Variants in KHDRBS2 observed in about 807,000 individuals in gnomAD.
KHDRBS2 encodes the protein KH RNA binding domain containing, signal transduction associated 2.
A neutral mutation model predicts 44.3 loss-of-function variants in KHDRBS2; 26 were observed. The ratio of observed to expected loss-of-function variants is 0.59; its 90% CI spans 0.43 to 0.81. The LOEUF is 0.81. Among genes scored for constraint, KHDRBS2 ranks in the 40% least tolerant of loss-of-function variants. The probability of loss-of-function intolerance (pLI) is 0.00; values close to 1 mark genes in which losing one functional copy is unlikely to be tolerated. For missense variants in KHDRBS2, 476 were observed against 433.1 expected (o/e 1.10, Z -0.88); for synonymous variants, 194 against 151.1 (o/e 1.28, Z -2.08).
Position 61,746,216 on chromosome 6 carries a change from G to T in KHDRBS2, c.811-13452C>A, listed in dbSNP as rs147864021. Among the ~76,000 whole-genome samples the T allele has an allele frequency of 4.7e-3, 717 of 152,232 alleles. 4 individuals are homozygous for T. Among genetic ancestry groups the T allele is most frequent in the Non-Finnish European group, 6.9e-3 (466 of 68,006 alleles). ...GTTAATGCTGTCATGACTAAGAACA[G>T]GATCAAGTTTCAGAAGAGAAGTTTA... On this transcript the variant is annotated intron_variant, in intron 6 of 8. Transcript: ENST00000281156.
chr6:61,785,799 A>C (rs756191462), intron 6 of KHDRBS2, among the ~76,000 whole-genome samples: 2 of 152,172 alleles, frequency 1.3e-5, no homozygotes, highest in African/African-American at 4.8e-5. Context: ...AAGAGAAAAC[A>C]AAAGTATATA....
chr6:61,772,873 G>A (rs1781209590), intron 6 of KHDRBS2, among the ~76,000 whole-genome samples: 1 of 151,984 alleles, frequency 6.6e-6, no homozygotes, highest in Non-Finnish European at 1.5e-5. Context: ...TCCCACCTAT[G>A]AGTGAGAATA....
At chr6:61,875,309 G>T (rs1237456543) in intron 6 of KHDRBS2, among the ~76,000 whole-genome samples, 1 of 151,956 alleles carries the variant, frequency 6.6e-6, no homozygotes, top group Non-Finnish European at 1.5e-5. Context: ...AGAACAGGCC[G>T]AAGCCAGGCT....
intron 1 of KHDRBS2, among the ~76,000 whole-genome samples, chr6:62,197,991 G>A (rs1222252272): frequency 6.6e-6 from 1 of 151,816 alleles, no homozygotes; most frequent in East Asian, 1.9e-4. Flanking sequence ...ATGACTACTG[G>A]GTAAAAAACG....
chr6:61,953,331 A>G (rs1765162757), intron 4 of KHDRBS2, among the ~76,000 whole-genome samples: 1 of 152,044 alleles, frequency 6.6e-6, no homozygotes, highest in Admixed American at 6.6e-5. Context: ...AACTTACAAG[A>G]CTTGTAAAAA....
At chr6:61,883,683 T>C (rs1472033298) in intron 6 of KHDRBS2, among the ~76,000 whole-genome samples, 1 of 152,070 alleles carries the variant, frequency 6.6e-6, no homozygotes, top group African/African-American at 2.4e-5. Context: ...TACCGCTACC[T>C]TTTTCCATTC....
intron 1 of KHDRBS2, among the ~76,000 whole-genome samples, chr6:62,202,100 TA>T (rs1248197825): frequency 6.6e-6 from 1 of 151,860 alleles, no homozygotes; most frequent in Non-Finnish European, 1.5e-5. Flanking sequence ...TAATTGGGTA[TA>T]GGACTTGTAT....
At chr6:61,822,889 C>A (rs779658945) in intron 6 of KHDRBS2, among the ~76,000 whole-genome samples, 2 of 152,006 alleles carry the variant, frequency 1.3e-5, no homozygotes, top group Non-Finnish European at 2.9e-5. Flanking sequence ...ATTATTTCTA[C>A]TACAATCCTT....
chr6:61,999,154 A>G (rs1181975734), intron 3 of KHDRBS2, among the ~76,000 whole-genome samples: 1 of 152,052 alleles, frequency 6.6e-6, no homozygotes, highest in Non-Finnish European at 1.5e-5. Context: ...TTATAAATTG[A>G]CCTAACAAAT....
At chr6:62,038,958 CA>C (rs1196092928) in intron 3 of KHDRBS2, among the ~76,000 whole-genome samples, 3 of 151,782 alleles carry the variant, frequency 2.0e-5, no homozygotes, top group Admixed American at 2.0e-4. Flanking sequence ...TTACAACAAG[CA>C]AAATAAAGCT....
intron 1 of KHDRBS2, among the ~76,000 whole-genome samples, chr6:62,278,150 C>T (rs1341329913): frequency 6.6e-6 from 1 of 152,124 alleles, no homozygotes; most frequent in Admixed American, 6.5e-5. Flanking sequence ...CGGTTTATAG[C>T]TTTAAAAAAT....
At chr6:62,149,297 G>T (rs1814593545) in intron 2 of KHDRBS2, among the ~76,000 whole-genome samples, 1 of 152,116 alleles carries the variant, frequency 6.6e-6, no homozygotes, top group South Asian at 2.1e-4. Flanking sequence ...TTAATACAAT[G>T]AATAATCCTA....
At chr6:61,802,459 A>G (rs1786433386) in intron 6 of KHDRBS2, among the ~76,000 whole-genome samples, 5 of 152,190 alleles carry the variant, frequency 3.3e-5, no homozygotes, top group Admixed American at 3.3e-4. Flanking sequence ...AGGGCTGACA[A>G]TGCAAAACAC....
intron 7 of KHDRBS2, among the ~76,000 whole-genome samples, chr6:61,709,274 A>C (rs1471619054): frequency 6.6e-6 from 1 of 151,646 alleles, no homozygotes; most frequent in African/African-American, 2.4e-5. Flanking sequence ...AGTTGATGGT[A>C]TTTAATGTTC....
intron 3 of KHDRBS2, among the ~76,000 whole-genome samples, chr6:62,015,595 C>T (rs928105980): frequency 6.6e-6 from 1 of 152,098 alleles, no homozygotes; most frequent in Non-Finnish European, 1.5e-5. Flanking sequence ...TCCAGAGCTC[C>T]AGACAAAAAC....
intron 2 of KHDRBS2, among the ~76,000 whole-genome samples, chr6:62,067,600 A>G (rs2127339857): frequency 6.6e-6 from 1 of 151,734 alleles, no homozygotes; most frequent in African/African-American, 2.4e-5. Flanking sequence ...TACGTACCAT[A>G]AAATTAGTTC....
chr6:62,172,004 C>G (rs1820108545), intron 2 of KHDRBS2, among the ~76,000 whole-genome samples: 1 of 152,118 alleles, frequency 6.6e-6, no homozygotes, highest in Non-Finnish European at 1.5e-5. Flanking sequence ...TTTACACTAT[C>G]AAGCAACTAC....
rs1585631666 is a variant in KHDRBS2, at chr6:62,286,112, G to A, written c.-164C>T. On this transcript the variant is annotated 5_prime_UTR_variant, in exon 1 of 9. Coordinates refer to ENST00000281156, the MANE Select transcript of KHDRBS2 (RefSeq NM_152688.4). ...CATGCACCCAGCACCTGCGACTCCC[G>A]CCGTCGGGCTGCGTGGCCCCGCGCC... The A allele has an allele frequency of 3.4e-6, 2 of 580,292 alleles. No homozygotes were observed. The highest frequency in any genetic ancestry group is 6.0e-6 in the Non-Finnish European group (2 of 331,548). The allele number at this position is 580,292 out of a possible 1,614,324, so 35.9% of individuals were successfully genotyped here. A position where few individuals can be genotyped will look rare whatever the true frequency, so the allele number is the denominator to read the frequency against.
chr6:62,187,348 T>C (rs1011793990), intron 1 of KHDRBS2, among the ~76,000 whole-genome samples: 3 of 152,130 alleles, frequency 2.0e-5, no homozygotes, highest in Admixed American at 6.6e-5. Flanking sequence ...TCATGCACTC[T>C]TTCATTTAAT....
Sources: gnomAD v4.1 joint callset for allele counts (sites outside exome capture counted in the v4.1 genomes callset) on GRCh38, gnomAD v4.1.1 for gene constraint, MANE v1.5 for transcripts, NCBI Gene and HGNC (gene_info 2026-07-23, HGNC 2026-07-21) for gene names.